Variants in CPSF4L observed in about 807,000 individuals in gnomAD.
CPSF4L encodes cleavage and polyadenylation specific factor 4 like, also known as putative cleavage and polyadenylation specificity factor subunit 4-like protein.
Under a neutral mutation model 24.0 loss-of-function variants are expected in CPSF4L, and 18 were observed. That is an observed-to-expected ratio of 0.75 (90% CI 0.52 to 1.11). The LOEUF (loss-of-function observed/expected upper bound fraction) is 1.11, where lower values mean the gene tolerates loss of function less well. Ranked by LOEUF, CPSF4L falls within the 50% of genes least tolerant of loss-of-function variation. The probability of loss-of-function intolerance (pLI) is 0.00; values close to 1 mark genes in which losing one functional copy is unlikely to be tolerated. For missense variants in CPSF4L, 211 were observed against 221.8 expected (o/e 0.95, Z 0.31); for synonymous variants, 72 against 77.2 (o/e 0.93, Z 0.35).
At chr17:73,245,444 C>G (rs2061937180), downstream of CPSF4L, 6 of 1,167,782 alleles carry the variant, frequency 5.1e-6, no homozygotes, top group South Asian at 2.1e-4. Flanking sequence ...TAGAGAAAAA[C>G]TAGTTTTGTT....
the CPSF4L span, chr17:73,242,270 C>T: frequency 3.7e-6 from 6 of 1,602,744 alleles, no homozygotes; most frequent in East Asian, 1.3e-4. Context: ...AAGCTCAACT[C>T]ATATAAGGAG....
chr17:73,247,561 T>C (rs2061969345), downstream of CPSF4L: 1 of 496,386 alleles, frequency 2.0e-6, no homozygotes, highest in Admixed American at 3.6e-5. Context: ...AAGGTTTAAC[T>C]TAGTCACAGT....
At chr17:73,247,349 G>A (rs746470488), downstream of CPSF4L, 28 of 1,613,956 alleles carry the variant, frequency 1.7e-5, no homozygotes, top group Middle Eastern at 3.3e-4. Context: ...TAGGAAGCAC[G>A]TTTAAGTAGG....
chr17:73,248,756 G>A (rs969595316), intron 5 of CPSF4L: 9 of 510,552 alleles, frequency 1.8e-5, no homozygotes, highest in African/African-American at 9.7e-5. Context: ...GATTAACCTC[G>A]GGGCGGCCTT....
downstream of CPSF4L, chr17:73,244,837 C>T (rs981006211): frequency 1.9e-5 from 4 of 207,196 alleles, no homozygotes; most frequent in Non-Finnish European, 1.9e-5. Flanking sequence ...ATGGCCTCGC[C>T]GCCATCTCTT....
intron 3 of CPSF4L, among the ~76,000 whole-genome samples, chr17:73,256,432 C>A (rs1216782367): frequency 6.6e-6 from 1 of 152,222 alleles, no homozygotes; most frequent in Non-Finnish European, 1.5e-5. Context: ...CCCATTGGCA[C>A]TAATGAGGAG....
At chr17:73,262,195 C>T, upstream of CPSF4L, 1 of 185,444 alleles carries the variant, frequency 5.4e-6, no homozygotes, top group African/African-American at 2.3e-5. Context: ...CATGAAGACA[C>T]AGCCACAGGT....
At chr17:73,242,278 G>A in the CPSF4L span, 1 of 1,605,322 alleles carries the variant, frequency 6.2e-7, no homozygotes, top group Non-Finnish European at 8.5e-7. Context: ...CTCATATAAG[G>A]AGTTTGGAAC....
At chr17:73,252,039 G>C (rs925969891) in intron 5 of CPSF4L, among the ~76,000 whole-genome samples, 1 of 152,268 alleles carries the variant, frequency 6.6e-6, no homozygotes, top group African/African-American at 2.4e-5. Context: ...CCTTTCAAAG[G>C]AGAGTGAGGG....
At chr17:73,258,513 G>T (rs1299744477) in intron 2 of CPSF4L, among the ~76,000 whole-genome samples, 3 of 150,950 alleles carry the variant, frequency 2.0e-5, no homozygotes, top group East Asian at 3.9e-4. Flanking sequence ...TGTTGGCCAG[G>T]CTGGTCTCGA....
chr17:73,247,274 C>T, downstream of CPSF4L: 1 of 1,614,200 alleles, frequency 6.2e-7, no homozygotes, highest in Non-Finnish European at 8.5e-7. Flanking sequence ...TGGAAGAGCA[C>T]AGTACCTCCA....
upstream of CPSF4L, among the ~76,000 whole-genome samples, chr17:73,262,668 G>A (rs2062051822): frequency 6.6e-6 from 1 of 152,258 alleles, no homozygotes; most frequent in Non-Finnish European, 1.5e-5. Context: ...TTTCAAAGGA[G>A]CATGTTAGGG....
intron 5 of CPSF4L, chr17:73,249,952 T>A: frequency 3.6e-6 from 1 of 278,916 alleles, no homozygotes; most frequent in East Asian, 7.1e-5. Context: ...TGGTAGGAGC[T>A]GAGCAAAGTA....
In CPSF4L at chr17:73,257,735, G is replaced by A; in HGVS notation, c.253C>T (p.Leu85=). The A allele has an allele frequency of 1.3e-6, 2 of 1,551,714 alleles. No individual in the cohort carries two copies. The highest frequency in any genetic ancestry group is 1.7e-6 in the Non-Finnish European group (2 of 1,147,008). Residue 85 remains leucine, a synonymous_variant, in exon 3 of 6, where the codon CTG becomes TTG. Coordinates refer to ENST00000344935, the MANE Select transcript of CPSF4L (RefSeq NM_001129885.1). ...LCKKGDHCKF[L]HQYDLTRMPE... ...ATCCTGGTGAGGTCATACTGGTGCA[G>A]GAACTTGCAGTGATCACCCTTCTTG...
At chr17:73,246,504 C>T (rs141241555), downstream of CPSF4L, among the ~76,000 whole-genome samples, 33 of 152,274 alleles carry the variant, frequency 2.2e-4, no homozygotes, top group African/African-American at 7.9e-4. Context: ...CCATTGCATT[C>T]CAGCCTGGGT....
intron 5 of CPSF4L, among the ~76,000 whole-genome samples, chr17:73,251,332 T>G (rs1329550426): frequency 6.6e-6 from 1 of 152,182 alleles, no homozygotes; most frequent in Non-Finnish European, 1.5e-5. Flanking sequence ...GCCTCCCACC[T>G]TCTTTCAAAG....
chr17:73,250,239 G>C (rs1319178958), intron 5 of CPSF4L: 11 of 1,549,782 alleles, frequency 7.1e-6, no homozygotes, highest in Non-Finnish European at 9.6e-6. Context: ...CCATAGGTTA[G>C]TTTTTAATAA....
At chr17:73,249,347 A>C (rs1169882958) in intron 5 of CPSF4L, among the ~76,000 whole-genome samples, 3 of 152,210 alleles carry the variant, frequency 2.0e-5, no homozygotes, top group Non-Finnish European at 4.4e-5. Context: ...AGTTTCAAAC[A>C]GTCCTGTGGC....
chr17:73,256,914 C>T (rs9902368), intron 3 of CPSF4L, among the ~76,000 whole-genome samples: 3,875 of 152,266 alleles, frequency 0.025, 163 homozygotes, highest in African/African-American at 0.086. Flanking sequence ...GTAATCCCAG[C>T]TACTCAGGAG....
Sources: gnomAD v4.1 joint callset for allele counts (sites outside exome capture counted in the v4.1 genomes callset) on GRCh38, gnomAD v4.1.1 for gene constraint, MANE v1.5 for transcripts, NCBI Gene and HGNC (gene_info 2026-07-23, HGNC 2026-07-21) for gene names.